FAT1: variants seen among roughly 807,000 people sequenced by gnomAD.
FAT1 encodes the protein protocadherin Fat 1.
A neutral mutation model predicts 329.8 loss-of-function variants in FAT1; 171 were observed. That is an observed-to-expected ratio of 0.52 (90% CI 0.46 to 0.59). FAT1 has a LOEUF of 0.59. Ranked by LOEUF, FAT1 falls within the 20% of genes least tolerant of loss-of-function variation. FAT1 has a pLI of 0.00. For missense variants in FAT1, 5,672 were observed against 5,774.4 expected, an observed-to-expected ratio of 0.98 and a Z score of 0.57; for synonymous variants, 2,233 against 2,228.6, an observed-to-expected ratio of 1.00 and a Z score of -0.06.
chr4:186,641,399 T>C lies in FAT1; in HGVS notation c.3581-1616A>G, dbSNP rs115605218. Among the ~76,000 whole-genome samples, 517 of 152,320 alleles carry C rather than the reference T, an allele frequency of 3.4e-3. 4 individuals carry two copies. The highest frequency in any genetic ancestry group is 0.012 in the African/African-American group (491 of 41,564). On this transcript the variant is annotated intron_variant, in intron 3 of 26. Transcript: ENST00000441802. ...AAAACCTTTTAAGTTAATCTCTTTT[T>C]TTCCCCAATCAAAAATGTACCATCC...
chr4:186,601,335 C>A lies in FAT1; in HGVS notation c.11574G>T (p.Arg3858Ser), dbSNP rs2126418432. The A allele has an allele frequency of 6.2e-7, 1 of 1,612,928 alleles. No homozygotes were observed. The highest frequency in any genetic ancestry group is 1.1e-5 in the South Asian group (1 of 90,978). The change falls in exon 21 of 27, where the codon AGG becomes AGT. Residue 3858 changes from arginine to serine, a missense_variant. Arg to Ser is a moderately radical substitution (Grantham distance 110). Coordinates refer to ENST00000441802, the MANE Select transcript of FAT1 (RefSeq NM_005245.4). ...ENKLEMKLTM[R>S]LRTYSTHAVV... ...CCGCATGCGTGGAATATGTTCTGAGCCTCATGGTCAGTTTCATCTCTAATT... is the reference window on the plus strand; with the variant it reads ...CCGCATGCGTGGAATATGTTCTGAGACTCATGGTCAGTTTCATCTCTAATT...
chr4:186,624,112 C>G (rs73873664), intron 9 of FAT1, among the ~76,000 whole-genome samples: 1,973 of 149,582 alleles, frequency 0.013, 46 homozygotes, highest in African/African-American at 0.046. Flanking sequence ...TTCACAGACA[C>G]TGAGATGCAC....
At chr4:186,677,577 C>T (rs755381997) in intron 2 of FAT1, among the ~76,000 whole-genome samples, 19 of 151,766 alleles carry the variant, frequency 1.3e-4, no homozygotes, top group Middle Eastern at 3.2e-3. Context: ...AGAGGGCACA[C>T]CTGTATGTAT....
intron 3 of FAT1, among the ~76,000 whole-genome samples, chr4:186,660,215 G>A (rs1486684534): frequency 6.6e-6 from 1 of 152,026 alleles, no homozygotes; most frequent in Non-Finnish European, 1.5e-5. Context: ...TCACAATCAG[G>A]CCGCCATGAT....
rs776961261 is a variant in FAT1 at position 186,633,799 on chromosome 4, T to A, written c.4208A>T (p.Asp1403Val). 6 of 1,613,932 alleles carry A rather than the reference T, an allele frequency of 3.7e-6. No individual in the cohort carries two copies. Among genetic ancestry groups the A allele is most frequent in the Non-Finnish European group, 5.1e-6 (6 of 1,179,872 alleles). ...ITGGNYDSHF[D>V]VDKGTGTIIV... ...GATGGTTCCAGTTCCCTTGTCCACATCGAAGTGACTGTCGTAGTTGCCACC... is the reference window on the plus strand; with the variant it reads ...GATGGTTCCAGTTCCCTTGTCCACAACGAAGTGACTGTCGTAGTTGCCACC... The change falls in exon 7 of 27, where the codon GAT (aspartate) becomes GTT (valine). Residue 1403 changes from aspartate (D) to valine (V), a missense_variant. Asp to Val is a radical substitution (Grantham distance 152, BLOSUM62 -3). This residue lies in a region of FAT1 where 3,966 missense variants were observed against 3,915.2 expected (regional missense o/e 1.01). Coordinates refer to ENST00000441802, the MANE Select transcript of FAT1 (RefSeq NM_005245.4).
intron 9 of FAT1, among the ~76,000 whole-genome samples, chr4:186,626,990 G>A (rs369855854): frequency 9.6e-6 from 1 of 104,688 alleles, no homozygotes; most frequent in African/African-American, 4.6e-5. Flanking sequence ...GGCACATAAA[G>A]CGAGCTTCAT....
At chr4:186,630,924 C>T (rs191314853) in intron 7 of FAT1, among the ~76,000 whole-genome samples, 8 of 152,266 alleles carry the variant, frequency 5.3e-5, no homozygotes, top group South Asian at 2.1e-4. Context: ...GGTAAGTTAC[C>T]TGGAGATACA....
At chr4:186,610,234 T>C (rs1739339239) in intron 14 of FAT1, among the ~76,000 whole-genome samples, 1 of 152,184 alleles carries the variant, frequency 6.6e-6, no homozygotes, top group Non-Finnish European at 1.5e-5. Flanking sequence ...ATATTCTTCA[T>C]GATATTTAAA....
intron 9 of FAT1, 79 bp downstream of exon 9, chr4:186,628,068 TCAATACC>T: frequency 7.1e-7 from 1 of 1,413,010 alleles, no homozygotes; most frequent in African/African-American, 1.4e-5. Flanking sequence ...TAGAAATGCT[TCAATACC>T]CAGAACTGAT....
intron 6 of FAT1, among the ~76,000 whole-genome samples, chr4:186,634,272 C>T (rs562428940): frequency 4.6e-5 from 7 of 152,150 alleles, no homozygotes; most frequent in East Asian, 3.9e-4. Context: ...AAATAGCGGT[C>T]GTTAACTTTA....
intron 17 of FAT1, 140 bp from the exon 18 acceptor site, chr4:186,604,714 A>G (rs1187868614): frequency 8.9e-6 from 5 of 564,698 alleles, no homozygotes; most frequent in Admixed American, 3.3e-5. Context: ...AAGAGAAGAA[A>G]GGTGGAGACG....
At chr4:186,712,946 C>G (rs911247268) in intron 1 of FAT1, among the ~76,000 whole-genome samples, 2 of 106,690 alleles carry the variant, frequency 1.9e-5, no homozygotes, top group African/African-American at 4.4e-5. Context: ...GCGGTAAGGC[C>G]GGGGCACATC....
rs1026619506 is a variant in FAT1 at position 186,723,724 on chromosome 4, G to T, written c.-79C>A. The stretch of plus-strand genomic sequence containing the variant: ...TGGAGCTCACCCGCCGTCTCAGCGC[G>T]CCCCCGAGCAGGGACCGGGCCTGCC... On this transcript the variant is annotated 5_prime_UTR_variant, in exon 1 of 27. Coordinates refer to ENST00000441802, the MANE Select transcript of FAT1 (RefSeq NM_005245.4). 2.0e-5 allele frequency: 3 copies of T among 150,890 alleles called. No individual in the cohort carries two copies. The highest frequency in any genetic ancestry group is 7.3e-5 in the African/African-American group (3 of 41,048). The allele number at this position is 150,890 out of a possible 1,614,324, so 9.3% of individuals were successfully genotyped here. A position where few individuals can be genotyped will look rare whatever the true frequency, so the allele number is the denominator to read the frequency against.
In FAT1 at chr4:186,723,777, C is replaced by A. The variant is rs1561023728; in HGVS notation, c.-132G>T. The A allele has an allele frequency of 6.7e-6, 1 of 148,866 alleles. No individual in the cohort carries two copies. Among genetic ancestry groups the A allele is most frequent in the Non-Finnish European group, 1.5e-5 (1 of 66,918 alleles). 9.2% of individuals were successfully genotyped at this position (148,866 alleles called of 1,614,324 possible). A position where few individuals can be genotyped will look rare whatever the true frequency, so the allele number is the denominator to read the frequency against. On this transcript the variant is annotated 5_prime_UTR_variant, in exon 1 of 27. It removes an upstream start codon present in the reference 5' UTR. Coordinates refer to ENST00000441802, the MANE Select transcript of FAT1 (RefSeq NM_005245.4). ...GGCCCTCGCCGGGCTCGCGCGTCCG[C>A]ATGGTACCTGCCGCACGAGCCGCTC...
chr4:186,706,939 T>A lies in FAT1; in HGVS notation c.2889A>T (p.Arg963Ser), dbSNP rs1299682439. Residue 963 changes from arginine (R) to serine (S), a missense_variant, in exon 2 of 27, where the codon AGA becomes AGT. Arg to Ser is a moderately radical substitution (Grantham distance 110). Coordinates refer to ENST00000441802, the MANE Select transcript of FAT1 (RefSeq NM_005245.4). ...CTTCTCCGTGGTCCAGAAGGCTGTA[T>A]CTCACCTGACCAGACTGACCTAAAT... ...DPDLGQSGQV[R>S]YSLLDHGEGN... The A allele has an allele frequency of 3.1e-6, 5 of 1,614,026 alleles. No homozygotes were observed. The highest frequency in any genetic ancestry group is 4.2e-6 in the Non-Finnish European group (5 of 1,179,888).
intron 2 of FAT1, among the ~76,000 whole-genome samples, chr4:186,691,051 T>A (rs973550201): frequency 6.6e-6 from 1 of 152,230 alleles, no homozygotes; most frequent in Non-Finnish European, 1.5e-5. Context: ...CCTGTTATAC[T>A]AATTCATTTG....
rs376164883 is a variant in FAT1 at position 186,619,896 on chromosome 4, G to A, written c.6690C>T (p.Asn2230=). The change falls in exon 10 of 27, where the codon AAC becomes AAT. Residue 2230 remains asparagine, a synonymous_variant. Coordinates refer to ENST00000441802, the MANE Select transcript of FAT1 (RefSeq NM_005245.4). ...TGACATTGATAACTCCAGTATTGAA[G>A]TTAATAGTGAACTGGCTGAAAGGGT... is the stretch of plus-strand genomic sequence containing the variant. ...DGDPFSQFTI[N]FNTGVINVIA... 3.7e-6 allele frequency: 6 copies of A among 1,613,894 alleles called. No homozygotes were observed. The highest frequency in any genetic ancestry group is 4.2e-6 in the Non-Finnish European group (5 of 1,179,906).
chr4:186,666,466 T>A (rs979288814), intron 2 of FAT1, among the ~76,000 whole-genome samples: 1 of 152,198 alleles, frequency 6.6e-6, no homozygotes. Context: ...TCCGGGAGGA[T>A]TACACATTAA....
intron 2 of FAT1, among the ~76,000 whole-genome samples, chr4:186,704,067 C>T: frequency 6.6e-6 from 1 of 152,292 alleles, no homozygotes; most frequent in East Asian, 1.9e-4. Flanking sequence ...CACTTTTGTT[C>T]ATTTCCAAAA....
Sources: gnomAD v4.1 joint callset for allele counts (sites outside exome capture counted in the v4.1 genomes callset) on GRCh38, gnomAD v4.1.1 for gene constraint, gnomAD v4.1.1 regional missense constraint, MANE v1.5 for transcripts, NCBI Gene and HGNC (gene_info 2026-07-23, HGNC 2026-07-21) for gene names.